OCRL: variants seen among roughly 807,000 people sequenced by gnomAD.
The protein encoded by OCRL is OCRL inositol polyphosphate-5-phosphatase.
In OCRL, 8 loss-of-function variants were observed where a neutral mutation model predicts 78.9. The ratio of observed to expected loss-of-function variants is 0.10; its 90% CI spans 0.06 to 0.18. OCRL has a LOEUF of 0.18. Among genes scored for constraint, OCRL ranks in the 10% least tolerant of loss-of-function variants. OCRL has a pLI of 1.00. For missense variants in OCRL, 454 were observed against 696.7 expected (o/e 0.65, Z 3.92); for synonymous variants, 240 against 235.4 (o/e 1.02, Z -0.18).
chrX:129,558,776 T>C (rs755768149), intron 7 of OCRL, 23 bp downstream of exon 7: 2 of 1,211,891 alleles, frequency 1.7e-6, no homozygotes, highest in Non-Finnish European at 2.2e-6. Flanking sequence ...TGAAAACATA[T>C]TTGCCTTGTA....
At position 129,567,369 on chromosome X, in the gene OCRL, G is replaced by A. The variant is rs770362266; in HGVS notation, c.1466+6G>A. On this transcript the variant is annotated splice_donor_region_variant and intron_variant, in intron 14 of 23. Coordinates refer to ENST00000371113, the MANE Select transcript of OCRL (RefSeq NM_000276.4). The stretch of plus-strand genomic sequence containing the variant: ...ACAGACCGGTGGGATTCCAGGTAAA[G>A]TAATAAGAACCTTCTCACAGAGAAG... 2 of 1,096,726 alleles carry A rather than the reference G, an allele frequency of 1.8e-6. No homozygotes were observed. The highest frequency in any genetic ancestry group is 3.7e-5 in the South Asian group (2 of 54,116). The allele number at this position is 1,096,726 out of a possible 1,213,427, so 90.4% of individuals were successfully genotyped here.
chrX:129,553,861 G>A (rs937724306), intron 4 of OCRL, among the ~76,000 whole-genome samples: 1 of 110,906 alleles, frequency 9.0e-6, no homozygotes, highest in African/African-American at 3.3e-5. Flanking sequence ...TAGAGGACCC[G>A]GTTGAGATTG....
rs760162833 is a variant in OCRL at position 129,578,050 on chromosome X, C to CAT, written c.2115+1504_2115+1505dup. 1.3e-3 allele frequency among the ~76,000 whole-genome samples: 146 copies of CAT among 111,515 alleles called. 1 individual carries two copies. Among genetic ancestry groups the CAT allele is most frequent in the African/African-American group, 4.4e-3 (134 of 30,732 alleles). ...AACACACCCCCACATGCCTTCTGTA[C>CAT]ATATATACACACAGATGTTTTTTGC... is the stretch of plus-strand genomic sequence containing the variant. On this transcript the variant is annotated intron_variant, in intron 18 of 23. Transcript: ENST00000371113.
chrX:129,541,080 C>A (rs1424930814), intron 2 of OCRL, among the ~76,000 whole-genome samples: 1 of 112,016 alleles, frequency 8.9e-6, no homozygotes, highest in Non-Finnish European at 1.9e-5. Context: ...TAGTTCCTGC[C>A]CCTGCAACTG....
chrX:129,582,524 C>A (rs1936455947), intron 18 of OCRL, among the ~76,000 whole-genome samples: 1 of 112,164 alleles, frequency 8.9e-6, no homozygotes. Flanking sequence ...ATTAGATATT[C>A]ATGGGAGGAA....
In OCRL at chrX:129,540,287, G is replaced by C; in HGVS notation, c.-153G>C. 6 of 604,773 alleles carry C rather than the reference G, an allele frequency of 9.9e-6. No individual in the cohort carries two copies. The highest frequency in any genetic ancestry group is 1.6e-5 in the Non-Finnish European group (6 of 379,646). The allele number at this position is 604,773 out of a possible 1,213,427, so 49.8% of individuals were successfully genotyped here. ...TCTTGGGTCAGATTCTCAGCTCCCA[G>C]CTCCCCGCTCCCGGCTCCCGGCGCC... On this transcript the variant is annotated 5_prime_UTR_variant, in exon 1 of 24. Transcript: ENST00000371113.
intron 3 of OCRL, among the ~76,000 whole-genome samples, chrX:129,546,799 A>G (rs915466079): frequency 1.8e-5 from 2 of 112,214 alleles, no homozygotes; most frequent in African/African-American, 6.5e-5. Context: ...GCTGATTGTT[A>G]GATCGTAGTG....
chrX:129,589,865 A>G lies in OCRL; in HGVS notation c.2490A>G (p.Arg830=). The G allele has an allele frequency of 8.3e-7, 1 of 1,208,654 alleles. No individual in the cohort carries two copies. Among genetic ancestry groups the G allele is most frequent in the Non-Finnish European group, 1.1e-6 (1 of 892,759 alleles). ...ICRQVISQLP[R]CHRNVFRYLM... ...AACAGGTGATCTCCCAGCTTCCGAG[A>G]TGCCATAGAAATGTTTTCCGTTACT... The change falls in exon 23 of 24, where the codon AGA becomes AGG. Residue 830 remains arginine (R), a synonymous_variant. Transcript: ENST00000371113.
At chrX:129,559,980 A>G (rs984450011) in intron 8 of OCRL, among the ~76,000 whole-genome samples, 1 of 111,961 alleles carries the variant, frequency 8.9e-6, no homozygotes, top group Non-Finnish European at 1.9e-5. Context: ...AGTCATAACT[A>G]TATCCCTATG....
intron 2 of OCRL, among the ~76,000 whole-genome samples, chrX:129,544,166 A>C (rs2124387107): frequency 8.9e-6 from 1 of 111,787 alleles, no homozygotes; most frequent in Non-Finnish European, 1.9e-5. Context: ...GTTGACGTTC[A>C]GAATGGCTGT....
At position 129,541,936 on chromosome X, in the gene OCRL, C is replaced by G. The variant is rs1054823508; in HGVS notation, c.119+1113C>G. The stretch of plus-strand genomic sequence containing the variant: ...GCTTAGTCAGCTCTACTGGGAAGTT[C>G]ATCAAACCCGGATTTCATCAAACCC... On this transcript the variant is annotated intron_variant, in intron 2 of 23. Transcript: ENST00000371113. Among the ~76,000 whole-genome samples the G allele has an allele frequency of 5.4e-5, 6 of 112,141 alleles. No homozygotes were observed. In the Admixed American group the frequency reaches 5.7e-4, roughly 11 times the overall value.
chrX:129,591,765 TA>T lies in OCRL; in HGVS notation c.*1498del, dbSNP rs1354883955. Reference sequence around the variant, plus strand: ...GAAGGTACGTATTCTGCAATATGGCTAAACCCTTTCCTGATTGAGAGTTAAA... The same window carrying T: ...GAAGGTACGTATTCTGCAATATGGCTAACCCTTTCCTGATTGAGAGTTAAA... On this transcript the variant is annotated 3_prime_UTR_variant, in exon 24 of 24. Transcript: ENST00000371113. 8.9e-6 allele frequency: 1 copy of T among 111,948 alleles called. No individual in the cohort carries two copies. Among genetic ancestry groups the T allele is most frequent in the African/African-American group, 3.3e-5 (1 of 30,658 alleles). 9.2% of individuals were successfully genotyped at this position (111,948 alleles called of 1,213,427 possible). A position where few individuals can be genotyped will look rare whatever the true frequency, so the allele number is the denominator to read the frequency against.
chrX:129,555,160 C>T (rs1936024554), intron 4 of OCRL, among the ~76,000 whole-genome samples: 1 of 108,690 alleles, frequency 9.2e-6, no homozygotes, highest in Non-Finnish European at 1.9e-5. Context: ...TGGAGTGGGG[C>T]CTGGGTTCAA....
At position 129,577,008 on chromosome X, in the gene OCRL, C is replaced by CTGGG. The variant is rs753530682; in HGVS notation, c.2115+459_2115+460insGTGG. Among the ~76,000 whole-genome samples, 496 of 111,708 alleles carry CTGGG rather than the reference C, an allele frequency of 4.4e-3. 3 individuals carry two copies. Among genetic ancestry groups the CTGGG allele is most frequent in the Non-Finnish European group, 6.9e-3 (366 of 53,107 alleles). On this transcript the variant is annotated intron_variant, in intron 18 of 23. Transcript: ENST00000371113. Reference sequence around the variant, plus strand: ...GTAACAAATCTAGCACCCAGATTTCCTGGCTCCCAGTTTAGTATTCCTCAC... The same window carrying CTGGG: ...GTAACAAATCTAGCACCCAGATTTCCTGGGTGGCTCCCAGTTTAGTATTCCTCAC...
intron 18 of OCRL, among the ~76,000 whole-genome samples, chrX:129,581,556 A>G (rs1008968770): frequency 3.6e-5 from 4 of 110,414 alleles, no homozygotes; most frequent in African/African-American, 9.9e-5. Context: ...TACCTAGAGA[A>G]GTAAATCTCT....
At chrX:129,551,173 T>C (rs1308568186) in intron 4 of OCRL, among the ~76,000 whole-genome samples, 1 of 111,600 alleles carries the variant, frequency 9.0e-6, no homozygotes, top group African/African-American at 3.3e-5. Flanking sequence ...TCAGGCACTT[T>C]TGTAAGTGCA....
intron 15 of OCRL, among the ~76,000 whole-genome samples, chrX:129,572,072 C>G (rs1936309426): frequency 8.9e-6 from 1 of 112,188 alleles, no homozygotes; most frequent in Non-Finnish European, 1.9e-5. Flanking sequence ...AACTGAACTT[C>G]TAATTTAATT....
intron 15 of OCRL, among the ~76,000 whole-genome samples, 188 bp downstream of exon 15, chrX:129,569,587 C>G (rs745827586): frequency 9.0e-6 from 1 of 111,536 alleles, no homozygotes; most frequent in Non-Finnish European, 1.9e-5. Context: ...CTTAATGCTC[C>G]AGGCCTTTTA....
Position 129,545,605 on chromosome X carries a change from C to T in OCRL, c.199+568C>T, listed in dbSNP as rs989858954. Among the ~76,000 whole-genome samples, 3 of 112,044 alleles carry T rather than the reference C, an allele frequency of 2.7e-5. No homozygotes were observed. In the Admixed American group the frequency reaches 2.8e-4, roughly 11 times the overall value. On this transcript the variant is annotated intron_variant, in intron 3 of 23. Coordinates refer to ENST00000371113, the MANE Select transcript of OCRL (RefSeq NM_000276.4). ...GAGCATAGAAAATCTGTTGTTTCATCTGCTACAATGAAACTTAAAAATTGG... is the reference window on the plus strand; with the variant it reads ...GAGCATAGAAAATCTGTTGTTTCATTTGCTACAATGAAACTTAAAAATTGG...
Sources: gnomAD v4.1 joint callset for allele counts (sites outside exome capture counted in the v4.1 genomes callset) on GRCh38, gnomAD v4.1.1 for gene constraint, MANE v1.5 for transcripts, NCBI Gene and HGNC (gene_info 2026-07-23, HGNC 2026-07-21) for gene names.